Variants in FAM53B observed in about 807,000 individuals in gnomAD.
FAM53B encodes the protein protein FAM53B.
A neutral mutation model predicts 32.7 loss-of-function variants in FAM53B; 12 were observed. That is an observed-to-expected ratio of 0.37 (90% CI 0.24 to 0.59). The LOEUF is 0.59. Ranked by LOEUF, FAM53B falls within the 20% of genes least tolerant of loss-of-function variation. The pLI is 0.72. For missense variants in FAM53B, 477 were observed against 577.7 expected (o/e 0.83, Z 1.79); for synonymous variants, 234 against 228.7 (o/e 1.02, Z -0.21).
chr10:124,736,814 A>G (rs1434054846), intron 1 of FAM53B, among the ~76,000 whole-genome samples: 1 of 152,354 alleles, frequency 6.6e-6, no homozygotes, highest in East Asian at 1.9e-4. Flanking sequence ...GCTATCCAGG[A>G]GCTCGAGGGC....
intron 4 of FAM53B, among the ~76,000 whole-genome samples, chr10:124,681,127 G>A (rs1363676208): frequency 6.6e-6 from 1 of 152,320 alleles, no homozygotes; most frequent in African/African-American, 2.4e-5. Context: ...TGTTTCAACA[G>A]TATAATCAAA....
intron 4 of FAM53B, among the ~76,000 whole-genome samples, chr10:124,670,271 G>GA: frequency 6.6e-6 from 1 of 152,272 alleles, no homozygotes; most frequent in East Asian, 1.9e-4. Context: ...TCACCCTCAT[G>GA]TGCCTTCTTG....
intron 4 of FAM53B, among the ~76,000 whole-genome samples, chr10:124,625,073 C>T (rs1325679793): frequency 6.6e-6 from 1 of 152,232 alleles, no homozygotes; most frequent in Non-Finnish European, 1.5e-5. Flanking sequence ...ACAGACCTGT[C>T]CCGAGGGCCT....
chr10:124,660,139 G>A (rs1463989273), intron 4 of FAM53B, among the ~76,000 whole-genome samples: 1 of 152,196 alleles, frequency 6.6e-6, no homozygotes, highest in Non-Finnish European at 1.5e-5. Flanking sequence ...TGTCTTCAGT[G>A]GCGAGAAGCC....
At chr10:124,631,700 T>G (rs1394594830) in intron 4 of FAM53B, among the ~76,000 whole-genome samples, 1 of 152,126 alleles carries the variant, frequency 6.6e-6, no homozygotes, top group Non-Finnish European at 1.5e-5. Context: ...CTGCTCCCAC[T>G]CAGGCTCTGA....
At chr10:124,725,463 G>A (rs925485090) in intron 1 of FAM53B, among the ~76,000 whole-genome samples, 7 of 152,376 alleles carry the variant, frequency 4.6e-5, no homozygotes, top group African/African-American at 1.7e-4. Context: ...GAAACAAAGG[G>A]CGCCCAGCCT....
intron 4 of FAM53B, among the ~76,000 whole-genome samples, chr10:124,649,986 G>A (rs1949546287): frequency 1.3e-5 from 2 of 152,180 alleles, no homozygotes; most frequent in South Asian, 2.1e-4. Flanking sequence ...CTCCTCGCAG[G>A]CTCACTCCCT....
chr10:124,682,291 C>T lies in FAM53B; in HGVS notation c.222G>A (p.Lys74=), dbSNP rs1392388554. 3.1e-6 allele frequency: 5 copies of T among 1,613,858 alleles called. No individual in the cohort carries two copies. In the Admixed American group the frequency reaches 6.7e-5, roughly 22 times the overall value. Residue 74 remains lysine, a synonymous_variant, in exon 4 of 5, where the codon AAG becomes AAA. Transcript: ENST00000337318. The surrounding 1 kb of genome is among the most constrained non-coding windows in gnomAD (Gnocchi z 5.2). ...STSIWECLPE[K]DSSLWHREAV... ...CCTCCCGGTGCCATAGTGAGCTGTCCTTTTCAGGCAGGCATTCCCAGATGC... is the reference window on the plus strand; with the variant it reads ...CCTCCCGGTGCCATAGTGAGCTGTCTTTTTCAGGCAGGCATTCCCAGATGC...
At chr10:124,731,183 A>G (rs147740711) in intron 1 of FAM53B, among the ~76,000 whole-genome samples, 81 of 152,386 alleles carry the variant, frequency 5.3e-4, no homozygotes, top group African/African-American at 1.8e-3. Flanking sequence ...GGGTGGTTAT[A>G]TGAATTAACG....
chr10:124,669,733 C>T (rs890862036), intron 4 of FAM53B, among the ~76,000 whole-genome samples: 2 of 152,290 alleles, frequency 1.3e-5, no homozygotes, highest in Non-Finnish European at 1.5e-5. Context: ...GACATGGGGG[C>T]CCACGGGCTG....
At position 124,622,238 on chromosome 10, in the gene FAM53B, G is replaced by A. The variant is rs1427705159; in HGVS notation, c.*1004C>T. On this transcript the variant is annotated 3_prime_UTR_variant, in exon 5 of 5. Coordinates refer to ENST00000337318, the MANE Select transcript of FAM53B (RefSeq NM_014661.4). Reference sequence around the variant, plus strand: ...GGGAGGTGCCTGGAATCCTGCAGGGGCCCCTGCAGAGTGGCCAGCGGACGC... The same window carrying A: ...GGGAGGTGCCTGGAATCCTGCAGGGACCCCTGCAGAGTGGCCAGCGGACGC... 1 of 152,170 alleles carries A rather than the reference G, an allele frequency of 6.6e-6. No homozygotes were observed. The highest frequency in any genetic ancestry group is 1.9e-4 in the East Asian group (1 of 5,184). 9.4% of individuals were successfully genotyped at this position (152,170 alleles called of 1,614,324 possible).
chr10:124,716,192 A>G (rs1950037539), intron 1 of FAM53B, among the ~76,000 whole-genome samples: 1 of 152,190 alleles, frequency 6.6e-6, no homozygotes, highest in Admixed American at 6.5e-5. Context: ...AACTGGGGCT[A>G]AAACATATTC....
At chr10:124,739,565 G>A (rs1369267888) in intron 1 of FAM53B, among the ~76,000 whole-genome samples, 1 of 152,220 alleles carries the variant, frequency 6.6e-6, no homozygotes, top group African/African-American at 2.4e-5. Context: ...GAGGTCAAAT[G>A]GGCTGTTTAC....
In FAM53B at chr10:124,706,686, T is replaced by G. The variant is rs755033675; in HGVS notation, c.28A>C (p.Ser10Arg). 26 of 1,614,086 alleles carry G rather than the reference T, an allele frequency of 1.6e-5. 1 individual carries two copies. In the South Asian group the frequency reaches 2.9e-4, roughly 18 times the overall value. ...GCAATGGAGTCAGCTCCCCGGGTGC[T>G]GAGGCTTTCACTTAGGACCATCACC... is the stretch of plus-strand genomic sequence containing the variant. Reference protein sequence around the residue: MVMVLSESLSTRGADSIACG... With the variant: MVMVLSESLRTRGADSIACG... Residue 10 changes from serine (S) to arginine (R), a missense_variant, in exon 2 of 5, where the codon AGC becomes CGC. This residue lies in a region of FAM53B where 312 missense variants were observed against 420.2 expected (regional missense o/e 0.74). Coordinates refer to ENST00000337318, the MANE Select transcript of FAM53B (RefSeq NM_014661.4).
rs149925477 is a variant in FAM53B, at chr10:124,675,904, A to G, written c.906+5703T>C. 3.9e-3 allele frequency among the ~76,000 whole-genome samples: 589 copies of G among 152,358 alleles called. 2 individuals are homozygous for G. The highest frequency in any genetic ancestry group is 0.014 in the African/African-American group (570 of 41,580). On this transcript the variant is annotated intron_variant, in intron 4 of 4. Transcript: ENST00000337318. ...GAGGGGATTAGAACAGAGATGGTGG[A>G]TGACGTTCAATTACCCATCAATTAG...
At chr10:124,630,435 A>AC (rs1564861638) in intron 4 of FAM53B, among the ~76,000 whole-genome samples, 2 of 152,140 alleles carry the variant, frequency 1.3e-5, no homozygotes, top group African/African-American at 4.8e-5. Context: ...AAAGCGGGGG[A>AC]CAGCATCATG....
chr10:124,653,615 A>G (rs1949569228), intron 4 of FAM53B, among the ~76,000 whole-genome samples: 1 of 152,238 alleles, frequency 6.6e-6, no homozygotes, highest in Non-Finnish European at 1.5e-5. Flanking sequence ...CAGACTCATG[A>G]GCCAGACTTG....
At chr10:124,678,878 G>A (rs968645810) in intron 4 of FAM53B, among the ~76,000 whole-genome samples, 10 of 152,132 alleles carry the variant, frequency 6.6e-5, no homozygotes, top group Non-Finnish European at 8.8e-5. Context: ...GGAAGCCCCC[G>A]TGTGCTCACA....
At chr10:124,671,569 G>C (rs936108658) in intron 4 of FAM53B, among the ~76,000 whole-genome samples, 4 of 152,206 alleles carry the variant, frequency 2.6e-5, no homozygotes, top group Non-Finnish European at 5.9e-5. Context: ...CAGAGCTCCA[G>C]CAGGGAAACA....
Sources: allele counts gnomAD v4.1 joint callset (sites outside exome capture counted in the v4.1 genomes callset), GRCh38; gene constraint gnomAD v4.1.1; regional missense constraint gnomAD v4.1.1; non-coding constraint Gnocchi (gnomAD v3.1); transcripts MANE v1.5; gene names NCBI Gene and HGNC (gene_info 2026-07-23, HGNC 2026-07-21).